AGPAT4: variants seen among roughly 807,000 people sequenced by gnomAD.
AGPAT4 encodes 1-acyl-sn-glycerol-3-phosphate acyltransferase delta.
In AGPAT4, 15 loss-of-function variants were observed where a neutral mutation model predicts 48.0. That is an observed-to-expected ratio of 0.31 (90% CI 0.21 to 0.48). AGPAT4 has a LOEUF of 0.48. Ranked by LOEUF, AGPAT4 falls within the 20% of genes least tolerant of loss-of-function variation. AGPAT4 has a pLI of 0.99. For missense variants in AGPAT4, 314 were observed against 482.5 expected (o/e 0.65, Z 3.27); for synonymous variants, 178 against 198.7 (o/e 0.90, Z 0.88).
intron 2 of AGPAT4, among the ~76,000 whole-genome samples, chr6:161,199,273 C>T (rs1781155945): frequency 6.6e-6 from 1 of 152,170 alleles, no homozygotes; most frequent in African/African-American, 2.4e-5. Flanking sequence ...CATGCCCGCC[C>T]CTCCTACAAT....
chr6:161,223,572 C>T lies in AGPAT4; in HGVS notation c.178+8464G>A, dbSNP rs1002138942. Among the ~76,000 whole-genome samples, 1 of 152,192 alleles carries T rather than the reference C, an allele frequency of 6.6e-6. No individual in the cohort carries two copies. The highest frequency in any genetic ancestry group is 2.4e-5 in the African/African-American group (1 of 41,456). On this transcript the variant is annotated intron_variant, in intron 2 of 8. Coordinates refer to ENST00000320285, the MANE Select transcript of AGPAT4 (RefSeq NM_020133.3). This position sits in a 1 kb window ranked among gnomAD's most constrained non-coding sequence, Gnocchi z 6.3. ...CACAATGCTTAATACATAATCAACA[C>T]GTGACAAATGTAGCGAGTGTAATGA...
chr6:161,168,332 G>A (rs1780168033), intron 2 of AGPAT4, among the ~76,000 whole-genome samples: 1 of 152,156 alleles, frequency 6.6e-6, no homozygotes, highest in Admixed American at 6.5e-5. Flanking sequence ...CAGGGAGTCA[G>A]GGAGACAAAG....
At position 161,130,925 on chromosome 6, in the gene AGPAT4, T is replaced by C. The variant is rs763853966; in HGVS notation, c.*5615A>G. Reference sequence around the variant, plus strand: ...AAATTCCATGGATGACTTTTCTGAATGTCCTAGAATGTTTGGCAAAGATCT... The same window carrying C: ...AAATTCCATGGATGACTTTTCTGAACGTCCTAGAATGTTTGGCAAAGATCT... On this transcript the variant is annotated 3_prime_UTR_variant, in exon 9 of 9. Transcript: ENST00000320285. 2 of 518,908 alleles carry C rather than the reference T, an allele frequency of 3.9e-6. No homozygotes were observed. The highest frequency in any genetic ancestry group is 7.7e-6 in the Non-Finnish European group (2 of 259,754). 32.1% of individuals were successfully genotyped at this position (518,908 alleles called of 1,614,324 possible).
chr6:161,138,482 T>C lies in AGPAT4; in HGVS notation c.1042+940A>G, dbSNP rs1222806833. 6.6e-6 allele frequency among the ~76,000 whole-genome samples: 1 copy of C among 152,186 alleles called. No homozygotes were observed. Among genetic ancestry groups the C allele is most frequent in the Admixed American group, 6.5e-5 (1 of 15,284 alleles). ...TACGGGTTTATAGATGCACATATGC[T>C]TGAGACTGGAACCACCACGTGCATC... On this transcript the variant is annotated intron_variant, in intron 8 of 8. Coordinates refer to ENST00000320285, the MANE Select transcript of AGPAT4 (RefSeq NM_020133.3). The surrounding 1 kb of genome is among the most constrained non-coding windows in gnomAD (Gnocchi z 4.8).
intron 5 of AGPAT4, among the ~76,000 whole-genome samples, chr6:161,151,814 C>T (rs374431457): frequency 2.0e-5 from 3 of 152,292 alleles, no homozygotes; most frequent in East Asian, 3.9e-4. Flanking sequence ...CAGTGCAGAG[C>T]GCAGCAGCCT....
In AGPAT4 at chr6:161,142,847, G is replaced by A. The variant is rs1389688092; in HGVS notation, c.844-3227C>T. ...CAGGACTTGCAAAGGACTTACCATG[G>A]GAGCCAAGCCTTGAGGCTCCCTGCT... is the stretch of plus-strand genomic sequence containing the variant. On this transcript the variant is annotated intron_variant, in intron 7 of 8. Coordinates refer to ENST00000320285, the MANE Select transcript of AGPAT4 (RefSeq NM_020133.3). This position sits in a 1 kb window ranked among gnomAD's most constrained non-coding sequence, Gnocchi z 6.4. 1.3e-5 allele frequency among the ~76,000 whole-genome samples: 2 copies of A among 152,186 alleles called. No homozygotes were observed. The highest frequency in any genetic ancestry group is 6.5e-5 in the Admixed American group (1 of 15,282).
chr6:161,193,972 C>T (rs1780993558), intron 2 of AGPAT4, among the ~76,000 whole-genome samples: 1 of 152,150 alleles, frequency 6.6e-6, no homozygotes, highest in East Asian at 1.9e-4. Flanking sequence ...CTTTTCTAAG[C>T]CATAATTTTC....
chr6:161,130,583 C>T lies in AGPAT4; in HGVS notation c.*5957G>A, dbSNP rs998679277. On this transcript the variant is annotated 3_prime_UTR_variant, in exon 9 of 9. Transcript: ENST00000320285. The stretch of plus-strand genomic sequence containing the variant: ...CACTTAGAGCAACTCATTCCCTGAC[C>T]TGAACCGGGTGTGTTCCACCCTTGC... 7.6e-5 allele frequency: 16 copies of T among 210,764 alleles called. No homozygotes were observed. The South Asian group carries it at 1.2e-3, about 16-fold the overall frequency. 13.1% of individuals were successfully genotyped at this position (210,764 alleles called of 1,614,324 possible).
Position 161,189,313 on chromosome 6 carries a change from C to T in AGPAT4, c.179-22896G>A, listed in dbSNP as rs544601833. Among the ~76,000 whole-genome samples the T allele has an allele frequency of 6.6e-6, 1 of 152,184 alleles. No individual in the cohort carries two copies. The highest frequency in any genetic ancestry group is 2.1e-4 in the South Asian group (1 of 4,820). On this transcript the variant is annotated intron_variant, in intron 2 of 8. Transcript: ENST00000320285. The surrounding 1 kb of genome is among the most constrained non-coding windows in gnomAD (Gnocchi z 5.3). ...GTGAAGTCTAATGAGTGTGCCAAGA[C>T]CAGCAGGGTGCCCTGAGGTCACAGC... is the stretch of plus-strand genomic sequence containing the variant.
chr6:161,233,400 A>G lies in AGPAT4; in HGVS notation c.-89-1098T>C, dbSNP rs1004073178. ...GGCAGACTACCCCAGGAAGACGTCT[A>G]ATGTTACGACAAACTTTCTAACAAT... On this transcript the variant is annotated intron_variant, in intron 1 of 8. Transcript: ENST00000320285. This position sits in a 1 kb window ranked among gnomAD's most constrained non-coding sequence, Gnocchi z 5.4. 2.6e-5 allele frequency among the ~76,000 whole-genome samples: 4 copies of G among 152,216 alleles called. No homozygotes were observed. Among genetic ancestry groups the G allele is most frequent in the African/African-American group, 9.6e-5 (4 of 41,460 alleles).
chr6:161,181,425 C>A (rs1780585133), intron 2 of AGPAT4, among the ~76,000 whole-genome samples: 1 of 151,770 alleles, frequency 6.6e-6, no homozygotes, highest in Non-Finnish European at 1.5e-5. Context: ...GCTTCCCCAT[C>A]CCTCCAGGCT....
intron 1 of AGPAT4, among the ~76,000 whole-genome samples, chr6:161,265,027 G>A (rs1191348265): frequency 6.6e-6 from 1 of 152,190 alleles, no homozygotes; most frequent in African/African-American, 2.4e-5. Context: ...ACCAGCAACT[G>A]TGGGGATGGA....
At chr6:161,186,609 C>A (rs577007645) in intron 2 of AGPAT4, among the ~76,000 whole-genome samples, 181 of 152,246 alleles carry the variant, frequency 1.2e-3, no homozygotes, top group African/African-American at 4.2e-3. Context: ...ATGCCAGTCT[C>A]ATGCCTTGCC....
At position 161,219,836 on chromosome 6, in the gene AGPAT4, T is replaced by TAGATAGAG. The variant is rs1319705840; in HGVS notation, c.178+12199_178+12200insCTCTATCT. Among the ~76,000 whole-genome samples, 5 of 99,040 alleles carry TAGATAGAG rather than the reference T, an allele frequency of 5.0e-5. No homozygotes were observed. In the South Asian group the frequency reaches 1.7e-3, roughly 33 times the overall value. 65.0% of individuals were successfully genotyped at this position (99,040 alleles called of 152,430 possible). ...AAAAAGATAGACAGAGATAGATAGA[T>TAGATAGAG]AGATAGATAGATAGATAGATAGATA... On this transcript the variant is annotated intron_variant, in intron 2 of 8. Coordinates refer to ENST00000320285, the MANE Select transcript of AGPAT4 (RefSeq NM_020133.3). This position sits in a 1 kb window ranked among gnomAD's most constrained non-coding sequence, Gnocchi z 4.9.
intron 2 of AGPAT4, among the ~76,000 whole-genome samples, chr6:161,183,379 G>C (rs1003445083): frequency 6.6e-5 from 10 of 151,876 alleles, no homozygotes; most frequent in African/African-American, 2.4e-4. Flanking sequence ...CAGCACTTTG[G>C]GAGTCCCAGG....
In AGPAT4 at chr6:161,272,779, G is replaced by C. The variant is rs1301499122; in HGVS notation, c.-90+1159C>G. ...CTCAAGATACTTTTTTTCCAACTGA[G>C]AGTCGTTGACTAATCACAGATGAGT... On this transcript the variant is annotated intron_variant, in intron 1 of 8. Coordinates refer to ENST00000320285, the MANE Select transcript of AGPAT4 (RefSeq NM_020133.3). The surrounding 1 kb of genome is among the most constrained non-coding windows in gnomAD (Gnocchi z 4.2). Among the ~76,000 whole-genome samples, 1 of 151,814 alleles carries C rather than the reference G, an allele frequency of 6.6e-6. No individual in the cohort carries two copies. Among genetic ancestry groups the C allele is most frequent in the Non-Finnish European group, 1.5e-5 (1 of 67,994 alleles).
chr6:161,252,380 C>G (rs1459649143), intron 1 of AGPAT4, among the ~76,000 whole-genome samples: 1 of 152,068 alleles, frequency 6.6e-6, no homozygotes, highest in African/African-American at 2.4e-5. Flanking sequence ...TTGAATTCTG[C>G]TTTTGCTTTT....
chr6:161,220,003 A>G lies in AGPAT4; in HGVS notation c.178+12033T>C, dbSNP rs989474034. On this transcript the variant is annotated intron_variant, in intron 2 of 8. Coordinates refer to ENST00000320285, the MANE Select transcript of AGPAT4 (RefSeq NM_020133.3). This position sits in a 1 kb window ranked among gnomAD's most constrained non-coding sequence, Gnocchi z 6.0. Reference sequence around the variant, plus strand: ...ATAGATACATTTAAAAAATAAATGGATTATTACTCAAAATACACAAGGCTT... The same window carrying G: ...ATAGATACATTTAAAAAATAAATGGGTTATTACTCAAAATACACAAGGCTT... Among the ~76,000 whole-genome samples, 4 of 152,118 alleles carry G rather than the reference A, an allele frequency of 2.6e-5. No homozygotes were observed. The highest frequency in any genetic ancestry group is 5.9e-5 in the Non-Finnish European group (4 of 68,028).
intron 2 of AGPAT4, among the ~76,000 whole-genome samples, chr6:161,211,151 A>G (rs1781513052): frequency 6.6e-6 from 1 of 152,242 alleles, no homozygotes; most frequent in South Asian, 2.1e-4. Context: ...TGACTATCAC[A>G]GTTTCCATAA....
Sources: gnomAD v4.1 joint callset for allele counts (sites outside exome capture counted in the v4.1 genomes callset) on GRCh38, gnomAD v4.1.1 for gene constraint, Gnocchi (gnomAD v3.1) non-coding constraint, MANE v1.5 for transcripts, NCBI Gene and HGNC (gene_info 2026-07-23, HGNC 2026-07-21) for gene names.